KIF6: variants seen among roughly 807,000 people sequenced by gnomAD.
KIF6 encodes kinesin family member 6.
Under a neutral mutation model 112.7 loss-of-function variants are expected in KIF6, and 106 were observed. That is an observed-to-expected ratio of 0.94 (90% CI 0.80 to 1.11). The LOEUF (loss-of-function observed/expected upper bound fraction) is 1.11, where lower values mean the gene tolerates loss of function less well. KIF6 is among the 50% of genes least tolerant of loss of function. The pLI is 0.00. For synonymous variants in KIF6, 339 were observed against 339.9 expected (o/e 1.00, Z 0.03); for missense variants, 929 against 964.0 (o/e 0.96, Z 0.48).
At chr6:39,418,164 T>C (rs374001085) in intron 15 of KIF6, among the ~76,000 whole-genome samples, 2 of 152,220 alleles carry the variant, frequency 1.3e-5, no homozygotes, top group South Asian at 2.1e-4. Flanking sequence ...AGATGAGCTA[T>C]GGATGGACAT....
chr6:39,706,846 T>A lies in KIF6; in HGVS notation c.251+7846A>T, dbSNP rs375350552. Among the ~76,000 whole-genome samples the A allele has an allele frequency of 3.3e-5, 5 of 152,298 alleles. No homozygotes were observed. In the East Asian group the frequency reaches 5.8e-4, roughly 18 times the overall value. On this transcript the variant is annotated intron_variant, in intron 3 of 22. Coordinates refer to ENST00000287152, the MANE Select transcript of KIF6 (RefSeq NM_145027.6). Reference sequence around the variant, plus strand: ...TTCAGATGGGATTAGCTTTATTGAATCCCCTGGGGGAGAAGTTCCAGTGCA... The same window carrying A: ...TTCAGATGGGATTAGCTTTATTGAAACCCCTGGGGGAGAAGTTCCAGTGCA...
At chr6:39,449,001 C>A (rs539753059) in intron 13 of KIF6, among the ~76,000 whole-genome samples, 1 of 152,178 alleles carries the variant, frequency 6.6e-6, no homozygotes, top group African/African-American at 2.4e-5. Context: ...ATTCTTCAAC[C>A]CCCACATGCC....
intron 10 of KIF6, among the ~76,000 whole-genome samples, chr6:39,560,449 C>A (rs994902557): frequency 1.3e-5 from 2 of 152,206 alleles, no homozygotes; most frequent in Admixed American, 6.5e-5. Context: ...TTCTCTGGAT[C>A]TGTTTACGCA....
intron 2 of KIF6, among the ~76,000 whole-genome samples, chr6:39,720,085 C>T (rs1025813212): frequency 2.6e-5 from 4 of 151,902 alleles, no homozygotes; most frequent in African/African-American, 4.8e-5. Flanking sequence ...TTTCATGTAC[C>T]AAAATGTTAC....
intron 13 of KIF6, among the ~76,000 whole-genome samples, chr6:39,479,700 T>C (rs1774678449): frequency 6.6e-6 from 1 of 152,216 alleles, no homozygotes; most frequent in South Asian, 2.1e-4. Flanking sequence ...TAAGGTCATT[T>C]TCACAATATT....
intron 13 of KIF6, among the ~76,000 whole-genome samples, chr6:39,519,271 T>C (rs1777248495): frequency 6.6e-6 from 1 of 152,208 alleles, no homozygotes; most frequent in African/African-American, 2.4e-5. Context: ...GTCTTTGTTA[T>C]AAAACTTATT....
At chr6:39,415,890 A>T (rs939504923) in intron 15 of KIF6, among the ~76,000 whole-genome samples, 2 of 152,118 alleles carry the variant, frequency 1.3e-5, no homozygotes, top group African/African-American at 4.8e-5. Flanking sequence ...GGGGAAAAAA[A>T]CTTCCAGAAT....
intron 3 of KIF6, among the ~76,000 whole-genome samples, chr6:39,666,864 A>G (rs1170518353): frequency 6.6e-6 from 1 of 152,200 alleles, no homozygotes; most frequent in Non-Finnish European, 1.5e-5. Flanking sequence ...CAAATTTTGT[A>G]AATATATTCT....
At chr6:39,664,045 A>G (rs1015115351) in intron 3 of KIF6, among the ~76,000 whole-genome samples, 1 of 152,096 alleles carries the variant, frequency 6.6e-6, no homozygotes, top group Non-Finnish European at 1.5e-5. Flanking sequence ...ACTAATTAGG[A>G]CTGGAACTAA....
At chr6:39,446,424 C>T (rs1236954593) in intron 13 of KIF6, among the ~76,000 whole-genome samples, 2 of 152,202 alleles carry the variant, frequency 1.3e-5, no homozygotes, top group African/African-American at 4.8e-5. Flanking sequence ...AGTAGATGCT[C>T]CAAACAAGAT....
At chr6:39,360,008 T>C (rs1236082810) in intron 18 of KIF6, among the ~76,000 whole-genome samples, 1 of 152,220 alleles carries the variant, frequency 6.6e-6, no homozygotes, top group Non-Finnish European at 1.5e-5. Context: ...ATTTTTACTT[T>C]CTTCTTTGTG....
At chr6:39,624,659 A>T (rs1411252785) in intron 5 of KIF6, among the ~76,000 whole-genome samples, 2 of 152,230 alleles carry the variant, frequency 1.3e-5, no homozygotes, top group Non-Finnish European at 2.9e-5. Flanking sequence ...AAGAAAGTGT[A>T]TGCATTTGTT....
At chr6:39,583,582 AGG>A (rs1440184072) in intron 9 of KIF6, 1 of 437,976 alleles carries the variant, frequency 2.3e-6, no homozygotes, top group Admixed American at 2.5e-5. Context: ...AACAATCAAG[AGG>A]AAGTAATTAA....
chr6:39,547,891 T>C (rs1165495169), intron 10 of KIF6, among the ~76,000 whole-genome samples: 1 of 152,222 alleles, frequency 6.6e-6, no homozygotes, highest in African/African-American at 2.4e-5. Flanking sequence ...GTTGCTACTT[T>C]CCTCTGTAAC....
Position 39,540,126 on chromosome 6 carries a change from T to C in KIF6, c.1522A>G (p.Ser508Gly), listed in dbSNP as rs780503464. 6.2e-7 allele frequency: 1 copy of C among 1,614,198 alleles called. No individual in the cohort carries two copies. Among genetic ancestry groups the C allele is most frequent in the Non-Finnish European group, 8.5e-7 (1 of 1,180,008 alleles). ...GGGTTTCCTAGGCGGAAGGGTGGGC[T>C]CTGGGACTGTCTGAATTCACGTCTA... ...MDRREFRQSQ[S>G]PPFRLGNPEE... The change falls in exon 13 of 23, where the codon AGC (serine) becomes GGC (glycine). Residue 508 changes from serine to glycine, a missense_variant. Transcript: ENST00000287152.
At chr6:39,556,748 G>A (rs947047707) in intron 10 of KIF6, among the ~76,000 whole-genome samples, 6 of 152,126 alleles carry the variant, frequency 3.9e-5, no homozygotes, top group African/African-American at 1.2e-4. Flanking sequence ...AGTTTATTGG[G>A]AAATTTGGGA....
chr6:39,346,585 A>G (rs1437597750), intron 19 of KIF6, 59 bp from the exon 20 acceptor site: 1 of 652,624 alleles, frequency 1.5e-6, no homozygotes, highest in African/African-American at 1.8e-5. Flanking sequence ...TTGTTATAGC[A>G]GCCTGAGCAG....
Position 39,466,324 on chromosome 6 carries a change from T to C in KIF6, c.1646-35163A>G, listed in dbSNP as rs1341435406. ...TCTGGAGGAACACATAACAATGGTT[T>C]CTGAGCTTCAAGCATCAGAGATAAA... On this transcript the variant is annotated intron_variant, in intron 13 of 22. Coordinates refer to ENST00000287152, the MANE Select transcript of KIF6 (RefSeq NM_145027.6). 2.0e-5 allele frequency among the ~76,000 whole-genome samples: 3 copies of C among 152,186 alleles called. No homozygotes were observed. In the East Asian group the frequency reaches 5.8e-4, roughly 29 times the overall value.
chr6:39,351,811 A>G (rs1438286498), intron 19 of KIF6, among the ~76,000 whole-genome samples: 2 of 152,222 alleles, frequency 1.3e-5, no homozygotes, highest in African/African-American at 4.8e-5. Context: ...GCTTATTCTC[A>G]TGGGGCAGAT....
Sources: gnomAD v4.1 joint callset for allele counts (sites outside exome capture counted in the v4.1 genomes callset) on GRCh38, gnomAD v4.1.1 for gene constraint, MANE v1.5 for transcripts, NCBI Gene and HGNC (gene_info 2026-07-23, HGNC 2026-07-21) for gene names.